APP: variants seen among roughly 807,000 people sequenced by gnomAD.
APP encodes the protein amyloid beta precursor protein, also known as amyloid-beta precursor protein.
Under a neutral mutation model 101.4 loss-of-function variants are expected in APP, and 31 were observed. That is an observed-to-expected ratio of 0.31 (90% CI 0.23 to 0.41). APP has a LOEUF of 0.41. Among genes scored for constraint, APP ranks in the 10% least tolerant of loss-of-function variants. The pLI is 1.00. For missense variants in APP, 839 were observed against 1,003.7 expected, an observed-to-expected ratio of 0.84 and a Z score of 2.22; for synonymous variants, 366 against 364.4, an observed-to-expected ratio of 1.00 and a Z score of -0.05.
chr21:25,895,585 TC>T (rs761948387), intron 16 of APP, among the ~76,000 whole-genome samples: 9 of 152,210 alleles, frequency 5.9e-5, no homozygotes, highest in Non-Finnish European at 8.8e-5. Flanking sequence ...AAAAATTCTT[TC>T]AATTTAGCCT....
intron 5 of APP, among the ~76,000 whole-genome samples, chr21:26,041,643 A>G (rs2146865449): frequency 6.6e-6 from 1 of 152,152 alleles, no homozygotes; most frequent in African/African-American, 2.4e-5. Context: ...TCTCATTGCC[A>G]GATGTAGCTC....
At chr21:26,097,269 T>C (rs2061963246) in intron 2 of APP, among the ~76,000 whole-genome samples, 2 of 152,202 alleles carry the variant, frequency 1.3e-5, no homozygotes. Context: ...GCTGATGGGC[T>C]GTCTGTCCTA....
chr21:26,054,625 T>G (rs997832411), intron 3 of APP, among the ~76,000 whole-genome samples: 2 of 107,100 alleles, frequency 1.9e-5, no homozygotes, highest in Admixed American at 1.9e-4. Flanking sequence ...CAAAAGTTTT[T>G]TTTTTTTTTT....
At chr21:26,153,032 T>G (rs188494572) in intron 1 of APP, among the ~76,000 whole-genome samples, 2 of 152,316 alleles carry the variant, frequency 1.3e-5, no homozygotes, top group Admixed American at 6.5e-5. Context: ...CTAAGTAAAG[T>G]AATTCAGGAA....
intron 13 of APP, among the ~76,000 whole-genome samples, chr21:25,912,222 G>C (rs1339476107): frequency 6.6e-6 from 1 of 152,198 alleles, no homozygotes; most frequent in Non-Finnish European, 1.5e-5. Flanking sequence ...ATGGCAGCCG[G>C]CCAATGTGCT....
At chr21:25,980,538 G>C (rs934479995) in intron 9 of APP, among the ~76,000 whole-genome samples, 1 of 152,084 alleles carries the variant, frequency 6.6e-6, no homozygotes, top group Non-Finnish European at 1.5e-5. Flanking sequence ...GGTTTTCATC[G>C]TGGGCAGCCA....
chr21:25,969,905 A>G (rs866587557), intron 11 of APP, among the ~76,000 whole-genome samples: 5 of 79,442 alleles, frequency 6.3e-5, no homozygotes, highest in Non-Finnish European at 1.2e-4. Context: ...AGAGAAGAGA[A>G]GAGGGGAGGG....
intron 6 of APP, among the ~76,000 whole-genome samples, chr21:26,008,773 G>C (rs1279745276): frequency 6.6e-6 from 1 of 152,174 alleles, no homozygotes; most frequent in Non-Finnish European, 1.5e-5. Context: ...TGAATTTAAG[G>C]AAAGAAAAGC....
At position 26,122,483 on chromosome 21, in the gene APP, T is replaced by G. The variant is rs559712366; in HGVS notation, c.58-10337A>C. Among the ~76,000 whole-genome samples, 88 of 152,334 alleles carry G rather than the reference T, an allele frequency of 5.8e-4. 1 individual carries two copies. Among genetic ancestry groups the G allele is most frequent in the African/African-American group, 2.0e-3 (83 of 41,588 alleles). ...GGGGATAAGGAGAGTGAGTACCCAC[T>G]AAGCTTGGAGGCCAGCTAAACTCTC... On this transcript the variant is annotated intron_variant, in intron 1 of 17. Coordinates refer to ENST00000346798, the MANE Select transcript of APP (RefSeq NM_000484.4).
chr21:25,933,094 T>A (rs1217456365), intron 13 of APP, among the ~76,000 whole-genome samples: 2 of 152,216 alleles, frequency 1.3e-5, no homozygotes, highest in African/African-American at 4.8e-5. Context: ...ATCACTTAAA[T>A]GTTTTTCTTT....
intron 8 of APP, among the ~76,000 whole-genome samples, chr21:25,984,507 A>C (rs916266301): frequency 3.3e-5 from 5 of 152,294 alleles, no homozygotes; most frequent in Middle Eastern, 6.8e-3. Context: ...TTTTGGAAAA[A>C]AGGTAAATGT....
intron 15 of APP, among the ~76,000 whole-genome samples, chr21:25,902,938 A>G (rs1484196328): frequency 6.6e-6 from 1 of 152,192 alleles, no homozygotes; most frequent in Non-Finnish European, 1.5e-5. Context: ...CTGTTATGAG[A>G]AAGGTTTTGG....
chr21:25,981,939 G>A (rs1249616244), intron 9 of APP, among the ~76,000 whole-genome samples: 1 of 152,100 alleles, frequency 6.6e-6, no homozygotes, highest in East Asian at 1.9e-4. Flanking sequence ...TTTACAGACT[G>A]TAAACAATCG....
At chr21:26,168,685 T>C (rs2063670389) in intron 1 of APP, among the ~76,000 whole-genome samples, 1 of 152,230 alleles carries the variant, frequency 6.6e-6, no homozygotes, top group African/African-American at 2.4e-5. Context: ...AGTAAGACCA[T>C]TCGGGAAAAC....
chr21:26,145,078 T>C (rs895294842), intron 1 of APP, among the ~76,000 whole-genome samples: 1 of 152,238 alleles, frequency 6.6e-6, no homozygotes, highest in African/African-American at 2.4e-5. Context: ...CGTGCCTTCC[T>C]AACATTAGAG....
chr21:25,918,401 C>A (rs2039458303), intron 13 of APP, among the ~76,000 whole-genome samples: 1 of 152,196 alleles, frequency 6.6e-6, no homozygotes, highest in Non-Finnish European at 1.5e-5. Context: ...ATAGGAACAG[C>A]TCCGGTCTAC....
intron 2 of APP, among the ~76,000 whole-genome samples, chr21:26,103,620 A>G (rs2146174225): frequency 6.6e-6 from 1 of 152,316 alleles, no homozygotes; most frequent in Non-Finnish European, 1.5e-5. Context: ...AAAGAAAAAA[A>G]AGAATTCTAT....
At chr21:26,021,046 C>CTTTTT (rs144287372) in intron 6 of APP, among the ~76,000 whole-genome samples, 5 of 101,732 alleles carry the variant, frequency 4.9e-5, no homozygotes, top group Admixed American at 1.1e-4. Flanking sequence ...CTCACCAAAT[C>CTTTTT]TTTTTTTTTT....
chr21:26,069,329 C>T (rs943995898), intron 3 of APP, among the ~76,000 whole-genome samples: 5 of 152,186 alleles, frequency 3.3e-5, no homozygotes, highest in Non-Finnish European at 7.3e-5. Flanking sequence ...TACTCAGACA[C>T]AGCACTCCAG....
Sources: allele counts gnomAD v4.1 joint callset (sites outside exome capture counted in the v4.1 genomes callset), GRCh38; gene constraint gnomAD v4.1.1; transcripts MANE v1.5; gene names NCBI Gene and HGNC (gene_info 2026-07-23, HGNC 2026-07-21).